ZNF559: variants seen among roughly 807,000 people sequenced by gnomAD.
ZNF559 encodes the protein putative protein product of Nbla00121.
In ZNF559, 17 loss-of-function variants were observed where a neutral mutation model predicts 14.2. That is an observed-to-expected ratio of 1.20 (90% CI 0.82 to 1.80). The LOEUF is 1.80. Ranked by LOEUF, ZNF559 falls within the 40% of genes most tolerant of loss-of-function variation. The pLI is 0.00. For synonymous variants in ZNF559, 244 were observed against 212.4 expected (o/e 1.15, Z -1.29); for missense variants, 740 against 629.7 (o/e 1.18, Z -1.88).
rs753842595 is a variant in ZNF559 at position 9,341,736 on chromosome 19, A to G, written c.285A>G (p.Gln95=). The G allele has an allele frequency of 4.4e-6, 7 of 1,595,912 alleles. No individual in the cohort carries two copies. In the South Asian group the frequency reaches 6.8e-5, roughly 15 times the overall value. Residue 95 remains glutamine, a synonymous_variant, in exon 7 of 7, where the codon CAA becomes CAG. Transcript: ENST00000603380. ...GAGAGGAACTGTTTGACTTTAACCAATGTGAAAAAGCCTTGAGTGAACACT... is the reference window on the plus strand; with the variant it reads ...GAGAGGAACTGTTTGACTTTAACCAGTGTGAAAAAGCCTTGAGTGAACACT... ...HFGEELFDFN[Q]CEKALSEHSC...
intron 3 of ZNF559, chr19:9,338,123 C>CT (rs1430886490): frequency 2.1e-6 from 2 of 953,974 alleles, no homozygotes; most frequent in East Asian, 5.2e-5. Flanking sequence ...TTTGAGATAC[C>CT]TAGAAGAGGC....
At position 9,341,989 on chromosome 19, in the gene ZNF559, A is replaced by G. The variant is rs755226587; in HGVS notation, c.538A>G (p.Thr180Ala). ...ACATCTTGTTTGCAAGAAAACTCAC[A>G]CTCAAGAGAAACCATATAAATGCAG... ...NLHLVCKKTHTQEKPYKCSDC... is the reference protein window; with the variant it reads ...NLHLVCKKTHAQEKPYKCSDC... The change falls in exon 7 of 7, where the codon ACT (threonine) becomes GCT (alanine). Residue 180 changes from threonine to alanine, a missense_variant. Coordinates refer to ENST00000603380, the MANE Select transcript of ZNF559 (RefSeq NM_032497.3). 6.2e-7 allele frequency: 1 copy of G among 1,613,266 alleles called. No homozygotes were observed. Among genetic ancestry groups the G allele is most frequent in the Non-Finnish European group, 8.5e-7 (1 of 1,179,832 alleles).
chr19:9,336,881 A>G (rs548942073), intron 2 of ZNF559, among the ~76,000 whole-genome samples: 1 of 152,278 alleles, frequency 6.6e-6, no homozygotes, highest in South Asian at 2.1e-4. Context: ...GGTCCTCAAG[A>G]CCACCACCCT....
intron 2 of ZNF559, chr19:9,333,231 A>AT (rs1164474655): frequency 6.6e-6 from 1 of 152,204 alleles, no homozygotes; most frequent in Non-Finnish European, 1.5e-5. Flanking sequence ...AAGTGCTAGG[A>AT]TTACAGGCAT....
Position 9,341,116 on chromosome 19 carries a change from A to G in ZNF559, c.175A>G (p.Ile59Val), listed in dbSNP as rs1378613304. ...TCTTATTTCAGATTGGGAGAGTCAT[A>G]TTAATACCAAATGGTCAGCACCTCA... ...NLVAVDWESH[I>V]NTKWSAPQQN... The change falls in exon 6 of 7, where the codon ATT (isoleucine) becomes GTT (valine). Residue 59 changes from isoleucine to valine, a missense_variant. Ile to Val is a conservative substitution (Grantham distance 29, BLOSUM62 3). Coordinates refer to ENST00000603380, the MANE Select transcript of ZNF559 (RefSeq NM_032497.3). The G allele has an allele frequency of 6.2e-7, 1 of 1,611,596 alleles. No individual in the cohort carries two copies. The highest frequency in any genetic ancestry group is 8.5e-7 in the Non-Finnish European group (1 of 1,179,384).
In ZNF559 at chr19:9,341,788, T is replaced by A. The variant is rs1043682276; in HGVS notation, c.337T>A (p.Tyr113Asn). ...HSCLKTHRRT[Y>N]FRKKTCECNQ... is the part of the protein sequence containing the mutation. ...ATGCCTTAAGACTCACAGGAGAACT[T>A]ACTTTAGAAAGAAAACCTGTGAGTG... is the stretch of plus-strand genomic sequence containing the variant. Residue 113 changes from tyrosine (Y) to asparagine (N), a missense_variant, in exon 7 of 7, where the codon TAC (tyrosine) becomes AAC (asparagine). Physicochemically the swap from Tyr to Asn is moderately radical, Grantham distance 143. Transcript: ENST00000603380. The A allele has an allele frequency of 2.5e-6, 4 of 1,608,224 alleles. No individual in the cohort carries two copies. In the African/African-American group the frequency reaches 4.0e-5, roughly 16 times the overall value.
At chr19:9,324,618 AC>A (rs35401044) in intron 1 of ZNF559, 76 bp from the exon 2 acceptor site, 239,124 of 703,868 alleles carry the variant, frequency 0.34, 18,583 homozygotes, top group East Asian at 0.41. Flanking sequence ...ACATAGGGAG[AC>A]CCCCCCCCCC....
rs984874489 is a variant in ZNF559, at chr19:9,342,600, T to G, written c.1149T>G (p.Cys383Trp). The change falls in exon 7 of 7, where the codon TGT (cysteine) becomes TGG (tryptophan). Residue 383 changes from cysteine to tryptophan, a missense_variant. Transcript: ENST00000603380. The part of the protein sequence containing the change: ...RTHTGEKPYQ[C>W]KECGKAFINS... ...ACACTGGTGAGAAGCCTTATCAATGTAAGGAATGTGGAAAAGCCTTTATTA... is the reference window on the plus strand; with the variant it reads ...ACACTGGTGAGAAGCCTTATCAATGGAAGGAATGTGGAAAAGCCTTTATTA... 8.1e-6 allele frequency: 13 copies of G among 1,614,156 alleles called. No individual in the cohort carries two copies. The highest frequency in any genetic ancestry group is 1.1e-5 in the Non-Finnish European group (13 of 1,180,018).
intron 4 of ZNF559, 55 bp downstream of exon 4, chr19:9,338,637 A>T: frequency 1.5e-6 from 2 of 1,376,588 alleles, no homozygotes; most frequent in East Asian, 2.3e-5. Context: ...TACCATGTAG[A>T]TGTGTTTTCT....
At chr19:9,338,106 C>T (rs145976713) in intron 3 of ZNF559, 3 of 1,225,476 alleles carry the variant, frequency 2.4e-6, no homozygotes, top group African/African-American at 3.0e-5. Context: ...GTCTAAGTGG[C>T]CCTGCTTTTG....
In ZNF559 at chr19:9,341,132, C is replaced by T. The variant is rs2122275132; in HGVS notation, c.191C>T (p.Ser64Leu). The T allele has an allele frequency of 6.2e-7, 1 of 1,613,458 alleles. No homozygotes were observed. Among genetic ancestry groups the T allele is most frequent in the Non-Finnish European group, 8.5e-7 (1 of 1,179,846 alleles). The change falls in exon 6 of 7, where the codon TCA becomes TTA. Residue 64 changes from serine (S) to leucine (L), a missense_variant. Ser to Leu is a moderately radical substitution (Grantham distance 145). Coordinates refer to ENST00000603380, the MANE Select transcript of ZNF559 (RefSeq NM_032497.3). ...DWESHINTKW[S>L]APQQNFLQGK... Reference sequence around the variant, plus strand: ...GAGAGTCATATTAATACCAAATGGTCAGCACCTCAGCAGAATTTTTTGCAG... The same window carrying T: ...GAGAGTCATATTAATACCAAATGGTTAGCACCTCAGCAGAATTTTTTGCAG...
chr19:9,324,403 A>G (rs2066448608), intron 1 of ZNF559, 175 bp downstream of exon 1: 2 of 1,469,602 alleles, frequency 1.4e-6, no homozygotes, highest in Non-Finnish European at 1.8e-6. Flanking sequence ...AGCCACAGTC[A>G]GGTCTGTCCT....
At chr19:9,324,121 G>A (rs968641570), upstream of ZNF559, 1 of 1,526,990 alleles carries the variant, frequency 6.5e-7, no homozygotes, top group African/African-American at 1.4e-5. Context: ...GGAACCCGAG[G>A]CCCCGCCCCC....
At chr19:9,329,764 A>G (rs1020115209) in intron 2 of ZNF559, among the ~76,000 whole-genome samples, 1 of 152,146 alleles carries the variant, frequency 6.6e-6, no homozygotes. Context: ...CCCGGGTTCA[A>G]GCAATTCTTC....
intron 2 of ZNF559, among the ~76,000 whole-genome samples, chr19:9,325,647 C>A (rs373077697): frequency 6.6e-6 from 1 of 151,994 alleles, no homozygotes; most frequent in African/African-American, 2.4e-5. Flanking sequence ...AAAAAATTAG[C>A]CGGGCGTGGG....
chr19:9,338,669 C>G (rs1465365530), intron 4 of ZNF559, 87 bp downstream of exon 4: 18 of 1,008,280 alleles, frequency 1.8e-5, no homozygotes, highest in Admixed American at 3.7e-5. Flanking sequence ...AGGGCCCCTG[C>G]AAGCAAAGAG....
At position 9,331,272 on chromosome 19, in the gene ZNF559, A is replaced by C. The variant is rs1362170125; in HGVS notation, c.-120+6492A>C. Among the ~76,000 whole-genome samples, 3 of 152,246 alleles carry C rather than the reference A, an allele frequency of 2.0e-5. No homozygotes were observed. In the East Asian group the frequency reaches 5.8e-4, roughly 29 times the overall value. On this transcript the variant is annotated intron_variant, in intron 2 of 6. Transcript: ENST00000603380. ...TGCCACCATGTCCAGCTAATTCTTT[A>C]GTTTTCTGTAGAGATGGGGTCTTGC...
intron 2 of ZNF559, among the ~76,000 whole-genome samples, chr19:9,329,485 A>G (rs1227139732): frequency 6.6e-6 from 1 of 152,174 alleles, no homozygotes; most frequent in Non-Finnish European, 1.5e-5. Flanking sequence ...TTTATTATAT[A>G]ATGATCTTTG....
chr19:9,326,374 C>T (rs973919033), intron 2 of ZNF559, among the ~76,000 whole-genome samples: 79 of 152,082 alleles, frequency 5.2e-4, no homozygotes, highest in Admixed American at 5.0e-3. Flanking sequence ...CAAAGTACTG[C>T]GTGAACCACC....
Sources: allele counts gnomAD v4.1 joint callset (sites outside exome capture counted in the v4.1 genomes callset), GRCh38; gene constraint gnomAD v4.1.1; transcripts MANE v1.5; gene names NCBI Gene and HGNC (gene_info 2026-07-23, HGNC 2026-07-21).